The following RNF13 variants were observed in gnomAD, a reference collection of about 807,000 sequenced individuals.
The protein encoded by RNF13 is ring finger protein 13.
Under a neutral mutation model 37.7 loss-of-function variants are expected in RNF13, and 19 were observed. That is an observed-to-expected ratio of 0.50 (90% CI 0.35 to 0.74). The LOEUF is 0.74. RNF13 is among the 30% of genes least tolerant of loss of function. The pLI is 0.01. For synonymous variants in RNF13, 144 were observed against 157.8 expected (o/e 0.91, Z 0.65); for missense variants, 375 against 453.0 (o/e 0.83, Z 1.56).
intron 8 of RNF13, among the ~76,000 whole-genome samples, chr3:149,954,799 C>T (rs1418299499): frequency 6.6e-6 from 1 of 152,170 alleles, no homozygotes; most frequent in African/African-American, 2.4e-5. Context: ...TGTTTTCTTG[C>T]TTCTGAAGCA....
At chr3:149,863,580 A>G (rs1471687394) in intron 3 of RNF13, among the ~76,000 whole-genome samples, 4 of 152,066 alleles carry the variant, frequency 2.6e-5, no homozygotes, top group Non-Finnish European at 5.9e-5. Context: ...GGGTTTCACC[A>G]TATTGGCTAG....
Position 149,961,488 on chromosome 3 carries a change from CA to C in RNF13, c.*385del, listed in dbSNP as rs1722424790. ...CATGAACTAACCCAGCTTCCACCTC[CA>C]TAAAGTTACCTAGAGTTGTTGAGTT... On this transcript the variant is annotated 3_prime_UTR_variant, in exon 10 of 10. Coordinates refer to ENST00000392894, the MANE Select transcript of RNF13 (RefSeq NM_183381.3). 2.8e-6 allele frequency: 1 copy of C among 353,042 alleles called. No homozygotes were observed. The highest frequency in any genetic ancestry group is 2.3e-5 in the South Asian group (1 of 43,698). The allele number at this position is 353,042 out of a possible 1,614,324, so 21.9% of individuals were successfully genotyped here. A position where few individuals can be genotyped will look rare whatever the true frequency, so the allele number is the denominator to read the frequency against.
intron 1 of RNF13, among the ~76,000 whole-genome samples, chr3:149,818,365 C>T (rs1719677998): frequency 6.6e-6 from 1 of 152,054 alleles, no homozygotes; most frequent in South Asian, 2.1e-4. Flanking sequence ...AATACTATAC[C>T]AGATTGTAAC....
At chr3:149,939,609 C>G in intron 8 of RNF13, 1 of 627,306 alleles carries the variant, frequency 1.6e-6, no homozygotes, top group Admixed American at 1.8e-5. Context: ...AATTCATTGC[C>G]TCTGTTTCAA....
intron 8 of RNF13, among the ~76,000 whole-genome samples, chr3:149,931,710 A>G (rs562650858): frequency 3.9e-5 from 6 of 152,272 alleles, no homozygotes; most frequent in African/African-American, 1.4e-4. Context: ...GAATAATTCA[A>G]AGCTTCTCAT....
At chr3:149,815,230 G>T (rs1300443506) in intron 1 of RNF13, among the ~76,000 whole-genome samples, 2 of 152,126 alleles carry the variant, frequency 1.3e-5, no homozygotes, top group Non-Finnish European at 2.9e-5. Context: ...AGGCCTGAGG[G>T]TATGACTAAA....
intron 4 of RNF13, among the ~76,000 whole-genome samples, chr3:149,878,381 G>A (rs915645125): frequency 3.3e-5 from 5 of 152,170 alleles, no homozygotes; most frequent in African/African-American, 9.7e-5. Flanking sequence ...GAGTTAAAAT[G>A]TCATAAGAGC....
At chr3:149,960,370 T>C (rs981259627) in intron 9 of RNF13, among the ~76,000 whole-genome samples, 2 of 152,172 alleles carry the variant, frequency 1.3e-5, no homozygotes, top group South Asian at 4.2e-4. Flanking sequence ...GGCAGGCAGA[T>C]CATGAGGTCA....
At chr3:149,930,379 G>T (rs1028338450) in intron 8 of RNF13, among the ~76,000 whole-genome samples, 1 of 152,210 alleles carries the variant, frequency 6.6e-6, no homozygotes, top group Admixed American at 6.5e-5. Flanking sequence ...CTGAGATTTT[G>T]ATTGGGATTG....
At chr3:149,912,757 A>G (rs1717120462) in intron 7 of RNF13, among the ~76,000 whole-genome samples, 1 of 152,114 alleles carries the variant, frequency 6.6e-6, no homozygotes, top group African/African-American at 2.4e-5. Context: ...ATGACATATT[A>G]TTTCTCCATA....
intron 6 of RNF13, 57 bp downstream of exon 6, chr3:149,902,219 G>T: frequency 1.3e-6 from 1 of 770,290 alleles, no homozygotes. Flanking sequence ...TATTAAGGTA[G>T]AATTATATAA....
chr3:149,898,196 G>A (rs1276576753), intron 5 of RNF13, among the ~76,000 whole-genome samples: 3 of 152,236 alleles, frequency 2.0e-5, no homozygotes, highest in African/African-American at 7.2e-5. Flanking sequence ...CAATGGCAGA[G>A]TGAGAGGAGC....
At chr3:149,878,243 G>A (rs1284270304) in intron 4 of RNF13, among the ~76,000 whole-genome samples, 1 of 152,082 alleles carries the variant, frequency 6.6e-6, no homozygotes, top group African/African-American at 2.4e-5. Flanking sequence ...GCAATAAAAT[G>A]TATTAAAATC....
intron 8 of RNF13, 173 bp from the exon 9 acceptor site, chr3:149,959,883 A>G (rs1722212703): frequency 4.3e-6 from 2 of 468,356 alleles, no homozygotes; most frequent in African/African-American, 2.0e-5. Context: ...TTTAGGTAAA[A>G]TGTTAATTAC....
chr3:149,862,137 ACATT>A (rs1274437376), intron 3 of RNF13, among the ~76,000 whole-genome samples: 1 of 152,074 alleles, frequency 6.6e-6, no homozygotes, highest in Non-Finnish European at 1.5e-5. Flanking sequence ...AAAAATCTAT[ACATT>A]CATATCATCA....
At chr3:149,915,899 G>C (rs1463623848) in intron 7 of RNF13, among the ~76,000 whole-genome samples, 1 of 152,194 alleles carries the variant, frequency 6.6e-6, no homozygotes, top group African/African-American at 2.4e-5. Flanking sequence ...ATAAGATGAA[G>C]GCTGTGAATG....
At chr3:149,872,243 T>C (rs1712157215) in intron 4 of RNF13, 89 bp downstream of exon 4, 1 of 823,558 alleles carries the variant, frequency 1.2e-6, no homozygotes, top group East Asian at 2.8e-5. Flanking sequence ...CAGAAAACAT[T>C]TAAAATTTAA....
intron 1 of RNF13, among the ~76,000 whole-genome samples, chr3:149,834,392 C>A (rs1180877900): frequency 6.6e-6 from 1 of 152,146 alleles, no homozygotes; most frequent in Non-Finnish European, 1.5e-5. Flanking sequence ...TAAAGATAGA[C>A]ATATAGAGCA....
chr3:149,844,062 A>G (rs1722413740), intron 1 of RNF13, among the ~76,000 whole-genome samples: 1 of 152,230 alleles, frequency 6.6e-6, no homozygotes, highest in Admixed American at 6.5e-5. Context: ...CAGTTTCCCA[A>G]AGAGGTCACT....
Sources: allele counts gnomAD v4.1 joint callset (sites outside exome capture counted in the v4.1 genomes callset), GRCh38; gene constraint gnomAD v4.1.1; transcripts MANE v1.5; gene names NCBI Gene and HGNC (gene_info 2026-07-23, HGNC 2026-07-21).